The following MTR variants were observed in gnomAD, a reference collection of about 807,000 sequenced individuals.
MTR encodes the protein methionine synthase.
A neutral mutation model predicts 154.8 loss-of-function variants in MTR; 84 were observed. The ratio of observed to expected loss-of-function variants is 0.54; its 90% CI spans 0.45 to 0.65. MTR has a LOEUF of 0.65. MTR is among the 30% of genes least tolerant of loss of function. MTR has a pLI of 0.00. For missense variants in MTR, 1,275 were observed against 1,570.2 expected (o/e 0.81, Z 3.18); for synonymous variants, 554 against 553.9 (o/e 1.00, Z 0.00).
chr1:236,860,480 G>C (rs1443731304), intron 19 of MTR, among the ~76,000 whole-genome samples: 3 of 151,742 alleles, frequency 2.0e-5, no homozygotes, highest in African/African-American at 7.3e-5. Context: ...TCAGTTTGTG[G>C]AGCTAGTTGG....
chr1:236,897,310 G>GCGCACACA, intron 32 of MTR, among the ~76,000 whole-genome samples, 192 bp downstream of exon 32: 2,095 of 128,692 alleles, frequency 0.016, 36 homozygotes, highest in South Asian at 0.072. Context: ...CCACACACAC[G>GCGCACACA]CACACACACA....
At chr1:236,857,906 G>T (rs1295801351) in intron 18 of MTR, among the ~76,000 whole-genome samples, 1 of 152,236 alleles carries the variant, frequency 6.6e-6, no homozygotes, top group South Asian at 2.1e-4. Flanking sequence ...TGGGGGTAGA[G>T]TGCAGTGCTG....
chr1:236,830,746 C>A (rs758141044), intron 12 of MTR, among the ~76,000 whole-genome samples: 3 of 152,092 alleles, frequency 2.0e-5, no homozygotes, highest in African/African-American at 7.2e-5. Flanking sequence ...GCGTACCCTG[C>A]GACTAGCTTG....
At chr1:236,886,182 G>A in intron 26 of MTR, 110 bp from the exon 27 acceptor site, 1 of 850,914 alleles carries the variant, frequency 1.2e-6, no homozygotes, top group Non-Finnish European at 1.9e-6. Flanking sequence ...TCATGAATAA[G>A]AGCATTTGCT....
At chr1:236,845,898 G>A (rs1375976414) in intron 15 of MTR, among the ~76,000 whole-genome samples, 3 of 152,160 alleles carry the variant, frequency 2.0e-5, no homozygotes, top group African/African-American at 4.8e-5. Context: ...GTTAAGAACC[G>A]GGATTTGCTT....
intron 24 of MTR, among the ~76,000 whole-genome samples, chr1:236,880,446 C>T (rs1665665303): frequency 6.6e-6 from 1 of 152,180 alleles, no homozygotes; most frequent in South Asian, 2.1e-4. Context: ...GGCCTGGTTA[C>T]CTCCCTTAAG....
intron 5 of MTR, chr1:236,811,782 A>G (rs1289202002): frequency 2.3e-6 from 1 of 433,654 alleles, no homozygotes; most frequent in Non-Finnish European, 4.6e-6. Context: ...GCCCTCAAAT[A>G]ATGTCATTTC....
At chr1:236,807,841 T>A (rs1281789752) in intron 3 of MTR, among the ~76,000 whole-genome samples, 1 of 152,190 alleles carries the variant, frequency 6.6e-6, no homozygotes, top group Admixed American at 6.5e-5. Context: ...AGACAGTCTT[T>A]TGCAACTGCT....
At chr1:236,825,140 A>ATT (rs749672025) in intron 9 of MTR, among the ~76,000 whole-genome samples, 198 bp from the exon 10 acceptor site, 2 of 114,144 alleles carry the variant, frequency 1.8e-5, no homozygotes, top group South Asian at 2.8e-4. Flanking sequence ...TTCCTCTGTG[A>ATT]TTTTTTTTTT....
intron 28 of MTR, among the ~76,000 whole-genome samples, 183 bp from the exon 29 acceptor site, chr1:236,890,950 C>T (rs936864961): frequency 4.6e-5 from 7 of 152,098 alleles, no homozygotes; most frequent in Non-Finnish European, 1.0e-4. Context: ...TAGCAGGAGC[C>T]GCAAAGCCCT....
chr1:236,863,504 C>A lies in MTR; in HGVS notation c.2355C>A (p.His785Gln). Residue 785 changes from histidine (H) to glutamine (Q), a missense_variant, in exon 22 of 33, where the codon CAC becomes CAA. By Grantham distance (24) the His-to-Gln change is conservative. Coordinates refer to ENST00000366577, the MANE Select transcript of MTR (RefSeq NM_000254.3). ...IVLATVKGDV[H>Q]DIGKNIVGVV... Reference sequence around the variant, plus strand: ...TGGCCACTGTTAAAGGCGACGTGCACGACATAGGCAAGAACATAGTTGGAG... The same window carrying A: ...TGGCCACTGTTAAAGGCGACGTGCAAGACATAGGCAAGAACATAGTTGGAG... The A allele has an allele frequency of 6.2e-7, 1 of 1,614,030 alleles. No homozygotes were observed. The highest frequency in any genetic ancestry group is 1.1e-5 in the South Asian group (1 of 91,090).
At chr1:236,858,948 C>T (rs1217565765) in intron 18 of MTR, among the ~76,000 whole-genome samples, 1 of 152,204 alleles carries the variant, frequency 6.6e-6, no homozygotes, top group Non-Finnish European at 1.5e-5. Context: ...ACCATTCCTT[C>T]CTCAAAATTC....
intron 30 of MTR, 35 bp downstream of exon 30, chr1:236,894,592 C>T: frequency 6.2e-7 from 1 of 1,611,054 alleles, no homozygotes. Flanking sequence ...GGGCTGAGGA[C>T]AGAGGCCAGG....
At chr1:236,880,208 G>T (rs934863077) in intron 24 of MTR, among the ~76,000 whole-genome samples, 1 of 152,126 alleles carries the variant, frequency 6.6e-6, no homozygotes, top group Non-Finnish European at 1.5e-5. Context: ...TTGCCTCTCT[G>T]TATTATTTTA....
chr1:236,886,503 C>A, intron 27 of MTR, 136 bp downstream of exon 27: 2 of 786,766 alleles, frequency 2.5e-6, no homozygotes, highest in Non-Finnish European at 4.3e-6. Context: ...TGATGAGTGA[C>A]TGATGACTGG....
intron 18 of MTR, among the ~76,000 whole-genome samples, chr1:236,858,758 A>C (rs1360436419): frequency 6.6e-6 from 1 of 152,180 alleles, no homozygotes; most frequent in Non-Finnish European, 1.5e-5. Flanking sequence ...GGAGATTCAA[A>C]GGTGATACTT....
intron 15 of MTR, among the ~76,000 whole-genome samples, chr1:236,843,900 A>G (rs141080129): frequency 5.9e-5 from 9 of 152,208 alleles, no homozygotes; most frequent in African/African-American, 1.7e-4. Flanking sequence ...TCGAGTGTGC[A>G]GTTGTGCAAA....
Position 236,863,478 on chromosome 1 carries a change from C to T in MTR, c.2329C>T (p.Leu777=). Reference sequence around the variant, plus strand: ...GGACCCTTACCAGGGCACCATCGTGCTGGCCACTGTTAAAGGCGACGTGCA... The same window carrying T: ...GGACCCTTACCAGGGCACCATCGTGTTGGCCACTGTTAAAGGCGACGTGCA... ...EEDPYQGTIV[L]ATVKGDVHDI... Residue 777 remains leucine, a synonymous_variant, in exon 22 of 33, where the codon CTG becomes TTG. Coordinates refer to ENST00000366577, the MANE Select transcript of MTR (RefSeq NM_000254.3). 6.2e-7 allele frequency: 1 copy of T among 1,614,004 alleles called. No homozygotes were observed. The highest frequency in any genetic ancestry group is 8.5e-7 in the Non-Finnish European group (1 of 1,179,964).
At chr1:236,839,737 A>C (rs530689683) in intron 15 of MTR, among the ~76,000 whole-genome samples, 1 of 152,226 alleles carries the variant, frequency 6.6e-6, no homozygotes, top group African/African-American at 2.4e-5. Flanking sequence ...TGAGTGTATA[A>C]GGATATGTGT....
Sources: gnomAD v4.1 joint callset for allele counts (sites outside exome capture counted in the v4.1 genomes callset) on GRCh38, gnomAD v4.1.1 for gene constraint, MANE v1.5 for transcripts, NCBI Gene and HGNC (gene_info 2026-07-23, HGNC 2026-07-21) for gene names.